Variants in TRIM61 observed in about 807,000 individuals in gnomAD.
The protein encoded by TRIM61 is putative tripartite motif-containing protein 61.
TRIM61 carries 1 observed loss-of-function variant against 14.2 expected under a neutral mutation model. That is an observed-to-expected ratio of 0.07 (90% CI 0.03 to 0.33). The LOEUF is 0.33. Among genes scored for constraint, TRIM61 ranks in the 10% least tolerant of loss-of-function variants. TRIM61 has a pLI of 0.99. For missense variants in TRIM61, 19 were observed against 202.2 expected, an observed-to-expected ratio of 0.09 and a Z score of 5.49; for synonymous variants, 8 against 71.6, an observed-to-expected ratio of 0.11 and a Z score of 4.49.
At chr4:164,961,884 C>G (rs975763631) in intron 3 of TRIM61, among the ~76,000 whole-genome samples, 1 of 152,148 alleles carries the variant, frequency 6.6e-6, no homozygotes, top group Non-Finnish European at 1.5e-5. Context: ...ATTCTGTGAA[C>G]ATCATAGAGT....
chr4:164,963,659 G>A (rs1399962568), intron 3 of TRIM61, among the ~76,000 whole-genome samples: 2 of 151,370 alleles, frequency 1.3e-5, no homozygotes, highest in East Asian at 1.9e-4. Flanking sequence ...TGGGAGAATC[G>A]CTTGAACCCA....
chr4:164,969,309 A>G (rs1311765323), intron 3 of TRIM61: 3 of 1,474,606 alleles, frequency 2.0e-6, no homozygotes, highest in Non-Finnish European at 2.7e-6. Flanking sequence ...TTTAGTAGAT[A>G]TTTTAATGAG....
At chr4:164,967,142 TAATC>T (rs1732260436) in intron 3 of TRIM61, among the ~76,000 whole-genome samples, 1 of 152,098 alleles carries the variant, frequency 6.6e-6, no homozygotes, top group Non-Finnish European at 1.5e-5. Context: ...AGAATTGAAA[TAATC>T]AACATAAAAA....
chr4:164,961,152 GCAAAAAAAAAAAAAAAAAAAAA>G (rs1732123552), intron 3 of TRIM61, among the ~76,000 whole-genome samples: 1 of 5,820 alleles, frequency 1.7e-4, no homozygotes, highest in South Asian at 3.1e-3. Flanking sequence ...GAACTCTCAG[GCAAAAAAAAAAAAAAAAAAAAA>G]AAAAAAAAAA....
chr4:164,955,568 C>CAAAAA (rs10716862), intron 3 of TRIM61, among the ~76,000 whole-genome samples: 6 of 77,212 alleles, frequency 7.8e-5, no homozygotes, highest in Admixed American at 1.5e-4. Context: ...GATTCAGTCT[C>CAAAAA]AAAAAAAAAA....
intron 2 of TRIM61, among the ~76,000 whole-genome samples, chr4:164,972,397 A>G (rs1732389072): frequency 6.6e-6 from 1 of 152,178 alleles, no homozygotes; most frequent in African/African-American, 2.4e-5. Context: ...CATGTATTGC[A>G]TTTGCTTATT....
intron 2 of TRIM61, among the ~76,000 whole-genome samples, chr4:164,975,691 A>G (rs1732466036): frequency 1.3e-5 from 2 of 152,230 alleles, no homozygotes. Flanking sequence ...GGAAAGCCAC[A>G]GGGACCTCTG....
At chr4:164,955,944 G>C (rs1383942100) in intron 3 of TRIM61, among the ~76,000 whole-genome samples, 1 of 152,222 alleles carries the variant, frequency 6.6e-6, no homozygotes, top group Admixed American at 6.5e-5. Context: ...GACAGAATCT[G>C]AGAGCCCTGA....
chr4:164,974,467 A>G (rs1304412819), intron 2 of TRIM61, among the ~76,000 whole-genome samples: 7 of 152,210 alleles, frequency 4.6e-5, no homozygotes, highest in Non-Finnish European at 1.0e-4. Context: ...ACTGGTCTTG[A>G]GCATTCATGG....
At chr4:164,955,195 T>TATGAG in intron 3 of TRIM61, 1 of 157,086 alleles carries the variant, frequency 6.4e-6, no homozygotes, top group South Asian at 1.7e-4. Context: ...TGACATCGTA[T>TATGAG]ATGAGACAGT....
intron 2 of TRIM61, among the ~76,000 whole-genome samples, chr4:164,973,374 A>G (rs1297781934): frequency 6.6e-6 from 1 of 152,242 alleles, no homozygotes; most frequent in Non-Finnish European, 1.5e-5. Flanking sequence ...CTCGCACGGC[A>G]TCCTATGCAG....
intron 3 of TRIM61, among the ~76,000 whole-genome samples, chr4:164,961,470 T>C (rs935047477): frequency 2.0e-4 from 30 of 151,252 alleles, no homozygotes; most frequent in African/African-American, 6.3e-4. Context: ...CTTAGAACTG[T>C]GGGACAGTAT....
intron 3 of TRIM61, among the ~76,000 whole-genome samples, chr4:164,956,415 G>A (rs1484931651): frequency 6.6e-6 from 1 of 152,120 alleles, no homozygotes; most frequent in Non-Finnish European, 1.5e-5. Flanking sequence ...CATAATAGTA[G>A]AGAGAACATT....
At chr4:164,969,164 G>A in intron 3 of TRIM61, 1 of 1,187,450 alleles carries the variant, frequency 8.4e-7, no homozygotes, top group South Asian at 2.0e-5. Flanking sequence ...ATATTGTGGA[G>A]GCAGATGGTA....
intron 3 of TRIM61, among the ~76,000 whole-genome samples, chr4:164,959,881 G>A (rs1200882154): frequency 6.6e-6 from 1 of 152,170 alleles, no homozygotes; most frequent in African/African-American, 2.4e-5. Flanking sequence ...GTTGAATTGT[G>A]TTCTCCCGAA....
chr4:164,964,201 C>T (rs961697100), intron 3 of TRIM61, among the ~76,000 whole-genome samples: 3 of 151,036 alleles, frequency 2.0e-5, no homozygotes, highest in African/African-American at 4.9e-5. Context: ...TACAAAAATT[C>T]GCCGGGCTTG....
intron 2 of TRIM61, among the ~76,000 whole-genome samples, chr4:164,971,182 T>G (rs112134383): frequency 1.3e-5 from 2 of 152,160 alleles, no homozygotes; most frequent in African/African-American, 2.4e-5. Context: ...ACCAGTTAAA[T>G]TGAGCACAAT....
In TRIM61 at chr4:164,954,743, T is replaced by A. The variant is rs1395365082; in HGVS notation, c.*42A>T. 6.5e-6 allele frequency: 1 copy of A among 153,050 alleles called. No homozygotes were observed. The highest frequency in any genetic ancestry group is 1.5e-5 in the Non-Finnish European group (1 of 68,784). 9.5% of individuals were successfully genotyped at this position (153,050 alleles called of 1,614,324 possible). On this transcript the variant is annotated 3_prime_UTR_variant, in exon 5 of 5. Coordinates refer to ENST00000329314, the MANE Select transcript of TRIM61 (RefSeq NM_001012414.3). Reference sequence around the variant, plus strand: ...CAGGAAGATCGCTTGAGGTCAGGAGTTCCAGACCAGCCTGGGCAACCATCT... The same window carrying A: ...CAGGAAGATCGCTTGAGGTCAGGAGATCCAGACCAGCCTGGGCAACCATCT...
chr4:164,957,488 G>A, intron 3 of TRIM61: 3 of 1,609,654 alleles, frequency 1.9e-6, no homozygotes, highest in Non-Finnish European at 1.7e-6. Flanking sequence ...GGGCTCACCT[G>A]TCCTATAGAG....
Sources: gnomAD v4.1 joint callset for allele counts (sites outside exome capture counted in the v4.1 genomes callset) on GRCh38, gnomAD v4.1.1 for gene constraint, MANE v1.5 for transcripts, NCBI Gene and HGNC (gene_info 2026-07-23, HGNC 2026-07-21) for gene names.